The following DGKH variants were observed in gnomAD, a reference collection of about 807,000 sequenced individuals.
DGKH encodes diacylglycerol kinase eta.
In DGKH, 90 loss-of-function variants were observed where a neutral mutation model predicts 159.3. The observed-to-expected ratio is 0.57, with a 90% CI of 0.48 to 0.67. DGKH has a LOEUF of 0.67. Ranked by LOEUF, DGKH falls within the 30% of genes least tolerant of loss-of-function variation. The pLI, the probability that DGKH is intolerant of heterozygous loss-of-function variation, is 0.00. For missense variants in DGKH, 1,181 were observed against 1,506.1 expected (o/e 0.78, Z 3.57); for synonymous variants, 536 against 553.8 (o/e 0.97, Z 0.45).
chr13:42,216,946 C>G (rs1957814359), intron 26 of DGKH, among the ~76,000 whole-genome samples: 2 of 152,116 alleles, frequency 1.3e-5, no homozygotes, highest in African/African-American at 4.8e-5. Flanking sequence ...ACGAAAAGTA[C>G]CTGCTGAGTG....
rs528849199 is a variant in DGKH at position 42,132,427 on chromosome 13, T to C, written c.384+2795T>C. ...TTTAAGAGTTTAATCTGAAAGAGGG[T>C]TTCAGAATTTAAGATTTGAAGCATG... is the stretch of plus-strand genomic sequence containing the variant. On this transcript the variant is annotated intron_variant, in intron 3 of 29. Transcript: ENST00000337343. Among the ~76,000 whole-genome samples, 32 of 152,290 alleles carry C rather than the reference T, an allele frequency of 2.1e-4. 1 individual carries two copies. The highest frequency in any genetic ancestry group is 7.2e-4 in the African/African-American group (30 of 41,552).
rs2138219063 is a variant in DGKH, at chr13:42,214,586, A to G, written c.3094A>G (p.Asn1032Asp). ...HAVNACSHAL[N>D]KANPRCPESL... The stretch of plus-strand genomic sequence containing the variant: ...TGTGAATGCCTGCTCCCATGCCCTG[A>G]ATAAAGCCAACCCAAGGTGCCCGGA... Residue 1032 changes from asparagine (N) to aspartate (D), a missense_variant, in exon 25 of 30, where the codon AAT becomes GAT. Physicochemically the swap from Asn to Asp is conservative, Grantham distance 23. Around this residue, in one of 5 missense-constraint regions of DGKH, gnomAD observed 335 missense variants for 495.2 expected, o/e 0.68. Coordinates refer to ENST00000337343, the MANE Select transcript of DGKH (RefSeq NM_178009.5). 2 of 1,613,644 alleles carry G rather than the reference A, an allele frequency of 1.2e-6. No individual in the cohort carries two copies. Among genetic ancestry groups the G allele is most frequent in the Non-Finnish European group, 8.5e-7 (1 of 1,179,732 alleles).
intron 24 of DGKH, among the ~76,000 whole-genome samples, chr13:42,211,798 G>A (rs1398689705): frequency 3.9e-5 from 6 of 152,184 alleles, no homozygotes; most frequent in Admixed American, 1.3e-4. Context: ...GCAAAGGCAC[G>A]TCTTACATGG....
In DGKH at chr13:42,229,674, C is replaced by G. The variant is rs1242504426; in HGVS notation, c.*486C>G. ...TGATTTGAATGTAGATTGGTATCAC[C>G]TCCAACTCCTAGTGCTTAGTGGTCA... On this transcript the variant is annotated 3_prime_UTR_variant, in exon 30 of 30. Transcript: ENST00000337343. 2 of 153,462 alleles carry G rather than the reference C, an allele frequency of 1.3e-5. No homozygotes were observed. The highest frequency in any genetic ancestry group is 1.5e-5 in the Non-Finnish European group (1 of 68,936). 9.5% of individuals were successfully genotyped at this position (153,462 alleles called of 1,614,324 possible). A position where few individuals can be genotyped will look rare whatever the true frequency, so the allele number is the denominator to read the frequency against.
At position 42,048,908 on chromosome 13, in the gene DGKH, A is replaced by G; in HGVS notation, c.135A>G (p.Gln45=). The G allele has an allele frequency of 7.4e-7, 1 of 1,357,762 alleles. No individual in the cohort carries two copies. The highest frequency in any genetic ancestry group is 9.5e-7 in the Non-Finnish European group (1 of 1,048,264). 84.1% of individuals were successfully genotyped at this position (1,357,762 alleles called of 1,614,324 possible). A position where few individuals can be genotyped will look rare whatever the true frequency, so the allele number is the denominator to read the frequency against. ...ATTCGTCTGACAGCGAAGCGGAGCA[A>G]GAGGGACCCCAGAAACTGATCCGCA... ...GEDSSDSEAE[Q]EGPQKLIRKV... is the part of the protein sequence containing the mutation. Residue 45 remains glutamine (Q), a synonymous_variant, in exon 1 of 30, where the codon CAA becomes CAG. Coordinates refer to ENST00000337343, the MANE Select transcript of DGKH (RefSeq NM_178009.5). The surrounding 1 kb of genome is among the most constrained non-coding windows in gnomAD (Gnocchi z 6.7).
intron 1 of DGKH, among the ~76,000 whole-genome samples, chr13:42,063,672 G>A (rs1882345497): frequency 6.6e-6 from 1 of 152,224 alleles, no homozygotes; most frequent in East Asian, 1.9e-4. Context: ...GGATGTGGTG[G>A]CTCACGCCTG....
In DGKH at chr13:42,241,111, C is replaced by CA. The variant is rs61309505; in HGVS notation, c.*11931dup. On this transcript the variant is annotated 3_prime_UTR_variant, in exon 30 of 30. Coordinates refer to ENST00000337343, the MANE Select transcript of DGKH (RefSeq NM_178009.5). ...TGGGCGACAGAGTGAGACTCTGTCT[C>CA]AAAAAAAAGAAAAAAAATCAAAATA... 0.43 allele frequency: 64,448 copies of CA among 150,602 alleles called. 14,185 individuals carry two copies. The highest frequency in any genetic ancestry group is 0.54 in the African/African-American group (22,294 of 40,946). 9.3% of individuals were successfully genotyped at this position (150,602 alleles called of 1,614,324 possible). A position where few individuals can be genotyped will look rare whatever the true frequency, so the allele number is the denominator to read the frequency against.
At chr13:42,153,280 C>G (rs1955962583) in intron 3 of DGKH, among the ~76,000 whole-genome samples, 1 of 152,166 alleles carries the variant, frequency 6.6e-6, no homozygotes. Flanking sequence ...ATCCTTCTTT[C>G]TCCCCTTTTT....
At chr13:42,152,653 C>T (rs886746055) in intron 3 of DGKH, among the ~76,000 whole-genome samples, 3 of 151,492 alleles carry the variant, frequency 2.0e-5, no homozygotes, top group South Asian at 2.1e-4. Context: ...TGCACAGGGA[C>T]CTCTTTATTC....
intron 29 of DGKH, among the ~76,000 whole-genome samples, chr13:42,249,341 C>T (rs868794094): frequency 2.0e-5 from 3 of 152,166 alleles, no homozygotes; most frequent in Non-Finnish European, 4.4e-5. Context: ...GAGCCCGGCC[C>T]TCTTGGTTGC....
Position 42,221,471 on chromosome 13 carries a change from C to G in DGKH, c.3573+77C>G, listed in dbSNP as rs768886099. 1.9e-6 allele frequency: 3 copies of G among 1,567,924 alleles called. No homozygotes were observed. In the East Asian group the frequency reaches 6.8e-5, roughly 35 times the overall value. ...CCTTTCTCCTGTGCCTCTTCTGATA[C>G]TTGCTTTTAGCTTCGCTTATGTCAT... On this transcript the variant is annotated intron_variant, in intron 29 of 29. Coordinates refer to ENST00000337343, the MANE Select transcript of DGKH (RefSeq NM_178009.5).
intron 20 of DGKH, among the ~76,000 whole-genome samples, chr13:42,204,205 T>C (rs1957408978): frequency 6.6e-6 from 1 of 152,206 alleles, no homozygotes; most frequent in South Asian, 2.1e-4. Context: ...CCTTTGTTAG[T>C]CATATGATTT....
At chr13:42,134,282 AG>A (rs962151151) in intron 3 of DGKH, among the ~76,000 whole-genome samples, 7 of 152,162 alleles carry the variant, frequency 4.6e-5, no homozygotes, top group African/African-American at 1.4e-4. Flanking sequence ...CCAGGCTTCA[AG>A]GGGGGCCACA....
At position 42,153,004 on chromosome 13, in the gene DGKH, T is replaced by A. The variant is rs117839699; in HGVS notation, c.385-2287T>A. Among the ~76,000 whole-genome samples the A allele has an allele frequency of 3.6e-3, 543 of 152,272 alleles. 8 individuals are homozygous for A. In the East Asian group the frequency reaches 0.047, roughly 13 times the overall value. ...CCGTGGACAAATCTAATCAGTAGATTTCTTAATCACAAGGCCTATAAATCA... is the reference window on the plus strand; with the variant it reads ...CCGTGGACAAATCTAATCAGTAGATATCTTAATCACAAGGCCTATAAATCA... On this transcript the variant is annotated intron_variant, in intron 3 of 29. Coordinates refer to ENST00000337343, the MANE Select transcript of DGKH (RefSeq NM_178009.5).
At chr13:42,175,878 T>C (rs1246165441) in intron 12 of DGKH, among the ~76,000 whole-genome samples, 2 of 152,254 alleles carry the variant, frequency 1.3e-5, no homozygotes. Context: ...TTAGCTTTTG[T>C]ATACTTCATT....
At chr13:42,100,950 GC>G (rs1954640697) in intron 1 of DGKH, among the ~76,000 whole-genome samples, 1 of 152,172 alleles carries the variant, frequency 6.6e-6, no homozygotes, top group Non-Finnish European at 1.5e-5. Flanking sequence ...GTGGCCTTAA[GC>G]AAGTCTTTGT....
At chr13:42,116,578 A>T (rs187545675) in intron 1 of DGKH, among the ~76,000 whole-genome samples, 1 of 152,298 alleles carries the variant, frequency 6.6e-6, no homozygotes, top group Admixed American at 6.5e-5. Flanking sequence ...GTGTATACCT[A>T]CTGGATAAAT....
Position 42,127,552 on chromosome 13 carries a change from T to A in DGKH, c.282T>A (p.Leu94=). Residue 94 remains leucine (L), a synonymous_variant, in exon 2 of 30, where the codon CTT becomes CTA. Transcript: ENST00000337343. ...KRYFKLRGRT[L]YYAKDSKSLI... ...ACTTCAAACTTCGAGGCCGCACCCT[T>A]TACTATGCAAAGGACTCAAAGGTAA... The A allele has an allele frequency of 6.2e-7, 1 of 1,613,668 alleles. No individual in the cohort carries two copies. Among genetic ancestry groups the A allele is most frequent in the Non-Finnish European group, 8.5e-7 (1 of 1,179,710 alleles).
chr13:42,159,263 T>TTTTTTTTTTG lies in DGKH; in HGVS notation c.623-3_623-2insTTTTTTTTTG, dbSNP rs1956118470. On this transcript the variant is annotated splice_polypyrimidine_tract_variant and splice_region_variant and intron_variant, in intron 5 of 29. Transcript: ENST00000337343. ...GTTGCTCTTTTTTTTTTTTTTTTTT[T>TTTTTTTTTTG]AGTGTGTAAATTCAAGGCTCACAAA... 8.0e-7 allele frequency: 1 copy of TTTTTTTTTTG among 1,247,454 alleles called. No homozygotes were observed. The highest frequency in any genetic ancestry group is 1.1e-6 in the Non-Finnish European group (1 of 892,920). 77.3% of individuals were successfully genotyped at this position (1,247,454 alleles called of 1,614,324 possible).
Sources: gnomAD v4.1 joint callset for allele counts (sites outside exome capture counted in the v4.1 genomes callset) on GRCh38, gnomAD v4.1.1 for gene constraint, gnomAD v4.1.1 regional missense constraint, Gnocchi (gnomAD v3.1) non-coding constraint, MANE v1.5 for transcripts, NCBI Gene and HGNC (gene_info 2026-07-23, HGNC 2026-07-21) for gene names.